Variants in FAM107B observed in about 807,000 individuals in gnomAD.
FAM107B encodes the protein family with sequence similarity 107 member B.
FAM107B carries 21 observed loss-of-function variants against 31.5 expected under a neutral mutation model. The observed-to-expected ratio is 0.67, with a 90% confidence interval of 0.47 to 0.96. FAM107B has a LOEUF of 0.96. Ranked by LOEUF, FAM107B falls within the 40% of genes least tolerant of loss-of-function variation. The pLI, the probability that FAM107B is intolerant of heterozygous loss-of-function variation, is 0.00. For missense variants in FAM107B, 452 were observed against 377.1 expected (o/e 1.20, Z -1.64); for synonymous variants, 157 against 141.5 (o/e 1.11, Z -0.78).
chr10:14,757,139 T>C (rs550973776), intron 1 of FAM107B, among the ~76,000 whole-genome samples: 1 of 152,234 alleles, frequency 6.6e-6, no homozygotes, highest in East Asian at 1.9e-4. Flanking sequence ...AATCTGCACT[T>C]GTAACCCTAA....
chr10:14,646,296 T>C (rs184662615), intron 2 of FAM107B, among the ~76,000 whole-genome samples: 1 of 152,094 alleles, frequency 6.6e-6, no homozygotes, highest in East Asian at 1.9e-4. Context: ...CCAAATAGTG[T>C]ACATTGTACC....
At chr10:14,544,548 T>C (rs562883503) in intron 2 of FAM107B, among the ~76,000 whole-genome samples, 20 of 152,338 alleles carry the variant, frequency 1.3e-4, no homozygotes, top group Admixed American at 3.9e-4. Flanking sequence ...TCTACTCTCA[T>C]AGACTACTTG....
intron 1 of FAM107B, among the ~76,000 whole-genome samples, chr10:14,725,481 A>C (rs1394609242): frequency 6.6e-6 from 1 of 152,218 alleles, no homozygotes; most frequent in South Asian, 2.1e-4. Context: ...TATTTCTTAG[A>C]GTGCTGGAAG....
At chr10:14,533,064 G>C (rs571629344) in intron 2 of FAM107B, among the ~76,000 whole-genome samples, 67 of 152,248 alleles carry the variant, frequency 4.4e-4, no homozygotes, top group African/African-American at 1.6e-3. Context: ...CTGGCATTCT[G>C]GTCTTCACCC....
At chr10:14,766,649 T>C (rs117140632) in intron 1 of FAM107B, among the ~76,000 whole-genome samples, 24 of 151,870 alleles carry the variant, frequency 1.6e-4, no homozygotes, top group Non-Finnish European at 3.2e-4. Flanking sequence ...ACTAGCAGGA[T>C]CAAATGAGCT....
chr10:14,600,556 T>C (rs560258559), intron 2 of FAM107B, among the ~76,000 whole-genome samples: 5 of 152,204 alleles, frequency 3.3e-5, no homozygotes, highest in Admixed American at 3.3e-4. Context: ...ATACCTTAAT[T>C]CACCAAGCAG....
Position 14,635,708 on chromosome 10 carries a change from T to C in FAM107B, c.469+31926A>G, listed in dbSNP as rs151233137. On this transcript the variant is annotated intron_variant, in intron 2 of 4. Transcript: ENST00000181796. ...GTACAGTGGCGTGATCTCAGCTCACTGAAACCTCCACCTCCTGGGTTTAAG... is the reference window on the plus strand; with the variant it reads ...GTACAGTGGCGTGATCTCAGCTCACCGAAACCTCCACCTCCTGGGTTTAAG... Among the ~76,000 whole-genome samples the C allele has an allele frequency of 4.2e-4, 64 of 152,268 alleles. No homozygotes were observed. The East Asian group carries it at 0.012, about 28-fold the overall frequency.
intron 1 of FAM107B, among the ~76,000 whole-genome samples, chr10:14,728,330 G>GGTGTGTGTGT (rs147215549): frequency 6.8e-6 from 1 of 147,136 alleles, no homozygotes; most frequent in Non-Finnish European, 1.5e-5. Context: ...TGGTATAAGG[G>GGTGTGTGTGT]GTGTGTGTGT....
At chr10:14,561,634 G>C (rs1850251775) in intron 2 of FAM107B, among the ~76,000 whole-genome samples, 1 of 152,156 alleles carries the variant, frequency 6.6e-6, no homozygotes, top group African/African-American at 2.4e-5. Context: ...TTGTGGTCAT[G>C]GCAATACAAT....
At chr10:14,659,072 C>G (rs1057136369) in intron 2 of FAM107B, among the ~76,000 whole-genome samples, 4 of 152,144 alleles carry the variant, frequency 2.6e-5, no homozygotes, top group African/African-American at 9.7e-5. Flanking sequence ...AGTCTGGGGA[C>G]CAGGTCTTCA....
chr10:14,767,101 CAGAGAG>C (rs1293912707), intron 1 of FAM107B, among the ~76,000 whole-genome samples: 2 of 55,004 alleles, frequency 3.6e-5, no homozygotes, highest in Non-Finnish European at 7.0e-5. Flanking sequence ...GAGAGAGAGA[CAGAGAG>C]AGAGAGAGAG....
chr10:14,725,821 C>CTTTTTTT (rs759788163), intron 1 of FAM107B, among the ~76,000 whole-genome samples: 7 of 94,302 alleles, frequency 7.4e-5, no homozygotes, highest in Admixed American at 1.5e-4. Flanking sequence ...CAGTCAAATC[C>CTTTTTTT]TTTTTTTTTT....
chr10:14,693,932 G>T (rs1177794323), intron 1 of FAM107B, among the ~76,000 whole-genome samples: 1 of 152,058 alleles, frequency 6.6e-6, no homozygotes, highest in Non-Finnish European at 1.5e-5. Flanking sequence ...ATTTGTTGTT[G>T]GTTTTTTTAG....
At chr10:14,707,010 A>G (rs974349751) in intron 1 of FAM107B, among the ~76,000 whole-genome samples, 1 of 152,122 alleles carries the variant, frequency 6.6e-6, no homozygotes, top group Non-Finnish European at 1.5e-5. Flanking sequence ...CTGTAGTCCC[A>G]GCTACTCAGG....
rs115704131 is a variant in FAM107B at position 14,715,596 on chromosome 10, C to T, written c.412-47905G>A. On this transcript the variant is annotated intron_variant, in intron 1 of 4. Transcript: ENST00000181796. ...ATTAGCATGTTAATTAGGAGACTAACTAAAGAAGACCTGTCCTCCCCAGCA... is the reference window on the plus strand; with the variant it reads ...ATTAGCATGTTAATTAGGAGACTAATTAAAGAAGACCTGTCCTCCCCAGCA... Among the ~76,000 whole-genome samples the T allele has an allele frequency of 5.5e-3, 839 of 152,288 alleles. 4 individuals carry two copies. The highest frequency in any genetic ancestry group is 0.019 in the African/African-American group (793 of 41,562).
At chr10:14,752,309 T>G (rs1217563622) in intron 1 of FAM107B, among the ~76,000 whole-genome samples, 1 of 152,222 alleles carries the variant, frequency 6.6e-6, no homozygotes, top group Non-Finnish European at 1.5e-5. Flanking sequence ...TGATCATCTC[T>G]GAGCCTCCCT....
intron 2 of FAM107B, among the ~76,000 whole-genome samples, chr10:14,543,417 C>T (rs1848408270): frequency 6.6e-6 from 1 of 152,140 alleles, no homozygotes; most frequent in African/African-American, 2.4e-5. Context: ...CAGGAAGGAG[C>T]ATGCAGTCCT....
intron 2 of FAM107B, among the ~76,000 whole-genome samples, chr10:14,622,793 A>G (rs1853048162): frequency 6.6e-6 from 1 of 152,210 alleles, no homozygotes; most frequent in African/African-American, 2.4e-5. Flanking sequence ...TATGTTGAGC[A>G]TTTGTGTCCC....
At chr10:14,757,350 C>T (rs1176389066) in intron 1 of FAM107B, among the ~76,000 whole-genome samples, 1 of 151,366 alleles carries the variant, frequency 6.6e-6, no homozygotes, top group South Asian at 2.1e-4. Flanking sequence ...AGTGTCCAAT[C>T]CTGCCTGAGT....
Sources: gnomAD v4.1 joint callset for allele counts (sites outside exome capture counted in the v4.1 genomes callset) on GRCh38, gnomAD v4.1.1 for gene constraint, MANE v1.5 for transcripts, NCBI Gene and HGNC (gene_info 2026-07-23, HGNC 2026-07-21) for gene names.